The following SLC5A4 variants were observed in gnomAD, a reference collection of about 807,000 sequenced individuals.
SLC5A4 encodes the protein probable glucose sensor protein SLC5A4.
A neutral mutation model predicts 70.3 loss-of-function variants in SLC5A4; 55 were observed. The observed-to-expected ratio is 0.78, with a 90% CI of 0.63 to 0.98. The LOEUF is 0.98. Among genes scored for constraint, SLC5A4 ranks in the 50% least tolerant of loss-of-function variants. SLC5A4 has a pLI of 0.00. For synonymous variants in SLC5A4, 268 were observed against 305.7 expected, an observed-to-expected ratio of 0.88 and a Z score of 1.29; for missense variants, 735 against 839.2, an observed-to-expected ratio of 0.88 and a Z score of 1.53.
At chr22:32,320,947 C>A in the SLC5A4 span, among the ~76,000 whole-genome samples, 5 of 152,194 alleles carry the variant, frequency 3.3e-5, no homozygotes, top group Admixed American at 1.3e-4. Flanking sequence ...CAGGGGCAAC[C>A]CGTCACCTTC....
chr22:32,326,741 G>C, the SLC5A4 span, among the ~76,000 whole-genome samples: 143 of 152,214 alleles, frequency 9.4e-4, no homozygotes, highest in Non-Finnish European at 1.1e-3. Context: ...CGATAGAGTT[G>C]AGGGTTTTGG....
chr22:32,261,661 C>G, the SLC5A4 span, among the ~76,000 whole-genome samples: 2,791 of 152,328 alleles, frequency 0.018, 87 homozygotes, highest in African/African-American at 0.064. Context: ...TTGTGCAACT[C>G]TCCCCCAAAG....
the SLC5A4 span, among the ~76,000 whole-genome samples, chr22:32,323,454 G>A: frequency 6.6e-6 from 1 of 152,208 alleles, no homozygotes. Context: ...GTTACGGCCT[G>A]ACCCAAGAGC....
chr22:32,306,160 T>C, the SLC5A4 span, among the ~76,000 whole-genome samples: 4 of 152,164 alleles, frequency 2.6e-5, no homozygotes, highest in African/African-American at 9.7e-5. Flanking sequence ...CCTAGGGACA[T>C]TGTTATAAAA....
At chr22:32,223,418 G>C (rs2123867122) in intron 13 of SLC5A4, among the ~76,000 whole-genome samples, 1 of 152,232 alleles carries the variant, frequency 6.6e-6, no homozygotes. Flanking sequence ...TTTGGACTGT[G>C]GGAATTTTCC....
the SLC5A4 span, among the ~76,000 whole-genome samples, chr22:32,308,239 G>A: frequency 6.6e-6 from 1 of 152,196 alleles, no homozygotes; most frequent in Non-Finnish European, 1.5e-5. Context: ...ATGGGGACCA[G>A]TACACCCAAG....
At chr22:32,304,099 T>C in the SLC5A4 span, among the ~76,000 whole-genome samples, 1 of 152,180 alleles carries the variant, frequency 6.6e-6, no homozygotes, top group Non-Finnish European at 1.5e-5. Context: ...TCTTCTTTGG[T>C]CTTTGGCTCA....
At chr22:32,250,758 T>C (rs371800580) in intron 3 of SLC5A4, among the ~76,000 whole-genome samples, 16 of 152,164 alleles carry the variant, frequency 1.1e-4, no homozygotes, top group East Asian at 9.7e-4. Context: ...ATATATACCA[T>C]AGAATACTAC....
At chr22:32,282,428 T>TC in the SLC5A4 span, among the ~76,000 whole-genome samples, 52,657 of 151,788 alleles carry the variant, frequency 0.35, 9,288 homozygotes, top group East Asian at 0.42. Flanking sequence ...CGCTCCCACC[T>TC]TCTGGTAGTT....
the SLC5A4 span, among the ~76,000 whole-genome samples, chr22:32,322,931 A>G: frequency 6.6e-6 from 1 of 152,168 alleles, no homozygotes; most frequent in Non-Finnish European, 1.5e-5. Context: ...CAAGTGTCCA[A>G]TTTTCCTAGA....
rs140845000 is a variant in SLC5A4, at chr22:32,248,239, A to G, written c.372+504T>C. On this transcript the variant is annotated intron_variant, in intron 4 of 14. Coordinates refer to ENST00000266086, the MANE Select transcript of SLC5A4 (RefSeq NM_014227.3). ...TTTACCCAAACACTGTGGATACGGA[A>G]CTGGCCCAGTTGTCCCATAGAACTG... is the stretch of plus-strand genomic sequence containing the variant. Among the ~76,000 whole-genome samples, 1,406 of 152,348 alleles carry G rather than the reference A, an allele frequency of 9.2e-3. 16 individuals carry two copies. Among genetic ancestry groups the G allele is most frequent in the African/African-American group, 0.031 (1,293 of 41,586 alleles).
the SLC5A4 span, among the ~76,000 whole-genome samples, chr22:32,303,386 A>C: frequency 6.6e-6 from 1 of 152,218 alleles, no homozygotes; most frequent in Non-Finnish European, 1.5e-5. Context: ...CTTTCACCAA[A>C]AACACAATCT....
At chr22:32,299,942 G>C in the SLC5A4 span, among the ~76,000 whole-genome samples, 1 of 127,056 alleles carries the variant, frequency 7.9e-6, no homozygotes, top group African/African-American at 2.9e-5. Flanking sequence ...CCCCTGCTGG[G>C]GGGTGCCTTC....
the SLC5A4 span, among the ~76,000 whole-genome samples, chr22:32,309,236 C>T: frequency 2.9e-3 from 443 of 152,270 alleles, 4 homozygotes; most frequent in African/African-American, 0.01. Flanking sequence ...ACACCATACA[C>T]AGATGAGAGG....
chr22:32,253,914 G>A (rs1482126003), intron 2 of SLC5A4, among the ~76,000 whole-genome samples: 2 of 151,986 alleles, frequency 1.3e-5, no homozygotes, highest in Admixed American at 6.6e-5. Flanking sequence ...CTGAGTAGCT[G>A]GGATTACAGG....
At chr22:32,301,717 T>G in the SLC5A4 span, among the ~76,000 whole-genome samples, 1 of 152,152 alleles carries the variant, frequency 6.6e-6, no homozygotes, top group African/African-American at 2.4e-5. Flanking sequence ...CAAAATAGTC[T>G]TGAAGAACAA....
the SLC5A4 span, among the ~76,000 whole-genome samples, chr22:32,318,059 C>T: frequency 5.3e-5 from 8 of 152,174 alleles, no homozygotes; most frequent in Admixed American, 1.3e-4. Context: ...CTCAAGTGAT[C>T]ACTCCACCTG....
chr22:32,312,386 C>CACACACACACACACACACACAT, the SLC5A4 span, among the ~76,000 whole-genome samples: 1 of 150,320 alleles, frequency 6.7e-6, no homozygotes, highest in African/African-American at 2.5e-5. Context: ...CACACACACA[C>CACACACACACACACACACACAT]GCACATTCAA....
chr22:32,275,795 G>C, the SLC5A4 span, among the ~76,000 whole-genome samples: 2 of 152,224 alleles, frequency 1.3e-5, no homozygotes, highest in Non-Finnish European at 2.9e-5. Flanking sequence ...TCACCACACT[G>C]ACTTCCACAA....
Sources: allele counts gnomAD v4.1 joint callset (sites outside exome capture counted in the v4.1 genomes callset), GRCh38; gene constraint gnomAD v4.1.1; transcripts MANE v1.5; gene names NCBI Gene and HGNC (gene_info 2026-07-23, HGNC 2026-07-21).